Variants in TNS3 observed in about 807,000 individuals in gnomAD.
TNS3 encodes the protein tensin 3.
In TNS3, 45 loss-of-function variants were observed where a neutral mutation model predicts 140.9. That is an observed-to-expected ratio of 0.32 (90% CI 0.25 to 0.41). TNS3 has a LOEUF of 0.41. Ranked by LOEUF, TNS3 falls within the 10% of genes least tolerant of loss-of-function variation. TNS3 has a pLI of 1.00. For synonymous variants in TNS3, 815 were observed against 788.4 expected (o/e 1.03, Z -0.56); for missense variants, 1,716 against 1,906.7 (o/e 0.90, Z 1.86).
chr7:47,552,950 G>A (rs1383115972), intron 1 of TNS3, among the ~76,000 whole-genome samples: 2 of 152,210 alleles, frequency 1.3e-5, no homozygotes, highest in African/African-American at 4.8e-5. Flanking sequence ...CCAATGATAA[G>A]AAAGCAAAAC....
chr7:47,371,167 C>T (rs1791052851), intron 16 of TNS3, among the ~76,000 whole-genome samples: 1 of 152,084 alleles, frequency 6.6e-6, no homozygotes, highest in Non-Finnish European at 1.5e-5. Flanking sequence ...AGAAATGCTA[C>T]ATAAAATGCT....
chr7:47,496,768 A>G (rs542110245), intron 3 of TNS3, among the ~76,000 whole-genome samples: 4 of 152,356 alleles, frequency 2.6e-5, no homozygotes, highest in Admixed American at 2.6e-4. Context: ...CCAAGCAGGC[A>G]GGGACACCTG....
chr7:47,338,093 ATTTG>A (rs71818316), intron 20 of TNS3, among the ~76,000 whole-genome samples: 65,409 of 151,742 alleles, frequency 0.43, 15,720 homozygotes, highest in Middle Eastern at 0.56. Flanking sequence ...AGGTACTACA[ATTTG>A]TTTAACCACT....
chr7:47,297,268 G>A (rs1177657536), intron 23 of TNS3, 55 bp from the exon 24 acceptor site: 4 of 1,559,662 alleles, frequency 2.6e-6, no homozygotes, highest in African/African-American at 1.4e-5. Flanking sequence ...AAAGGTCTAT[G>A]CCCACTCATA....
chr7:47,325,067 G>A (rs1216894734), intron 20 of TNS3, among the ~76,000 whole-genome samples: 2 of 152,002 alleles, frequency 1.3e-5, no homozygotes, highest in Admixed American at 1.3e-4. Context: ...TTGGAAGCAT[G>A]ATGGACCGTG....
chr7:47,422,822 G>GT (rs1402439062), intron 10 of TNS3, among the ~76,000 whole-genome samples: 8 of 151,550 alleles, frequency 5.3e-5, no homozygotes, highest in African/African-American at 1.7e-4. Context: ...TCATATGAAT[G>GT]TCACGATTTT....
intron 3 of TNS3, among the ~76,000 whole-genome samples, chr7:47,493,109 G>C (rs948964477): frequency 3.9e-5 from 6 of 152,340 alleles, no homozygotes; most frequent in Non-Finnish European, 8.8e-5. Flanking sequence ...CCCTAGGGAG[G>C]GGATGCCCAG....
In TNS3 at chr7:47,292,985, G is replaced by A. The variant is rs1381470978; in HGVS notation, c.3773-80C>T. 34 of 1,259,694 alleles carry A rather than the reference G, an allele frequency of 2.7e-5. No homozygotes were observed. In the Admixed American group the frequency reaches 4.7e-4, roughly 17 times the overall value. The allele number at this position is 1,259,694 out of a possible 1,614,324, so 78.0% of individuals were successfully genotyped here. On this transcript the variant is annotated intron_variant, in intron 25 of 30. Coordinates refer to ENST00000311160, the MANE Select transcript of TNS3 (RefSeq NM_022748.12). Reference sequence around the variant, plus strand: ...GCTCAGCCAATTTATCAGCTGGAATGAAACGGATGCAAAGGCTGAGCCCTT... The same window carrying A: ...GCTCAGCCAATTTATCAGCTGGAATAAAACGGATGCAAAGGCTGAGCCCTT...
chr7:47,367,347 G>A (rs1434083876), intron 17 of TNS3, among the ~76,000 whole-genome samples: 1 of 152,130 alleles, frequency 6.6e-6, no homozygotes, highest in Non-Finnish European at 1.5e-5. Context: ...CAGCTCTCTG[G>A]TCCCCTCAGC....
intron 7 of TNS3, 50 bp downstream of exon 7, chr7:47,437,213 C>T (rs990042449): frequency 8.5e-6 from 11 of 1,290,636 alleles, no homozygotes; most frequent in Middle Eastern, 3.8e-4. Context: ...ACAAAATAAG[C>T]ATTGTTTACA....
At chr7:47,425,477 G>A (rs539111256) in intron 9 of TNS3, among the ~76,000 whole-genome samples, 1 of 152,264 alleles carries the variant, frequency 6.6e-6, no homozygotes, top group East Asian at 1.9e-4. Context: ...ATACTCAAAA[G>A]TAAGTTGAGT....
At chr7:47,305,824 C>T (rs956543802) in intron 20 of TNS3, among the ~76,000 whole-genome samples, 1 of 152,124 alleles carries the variant, frequency 6.6e-6, no homozygotes, top group Non-Finnish European at 1.5e-5. Context: ...GACAAATCTA[C>T]CATGGTCAGT....
intron 16 of TNS3, among the ~76,000 whole-genome samples, chr7:47,389,809 A>G (rs6956779): frequency 0.9 from 136,761 of 152,268 alleles, 62,699 homozygotes; most frequent in Non-Finnish European, 0.99. Context: ...TTGTGGGTTG[A>G]AGGCTTGCTG....
At chr7:47,302,861 G>A in intron 22 of TNS3, 89 bp downstream of exon 22, 2 of 1,495,110 alleles carry the variant, frequency 1.3e-6, no homozygotes, top group Non-Finnish European at 9.0e-7. Context: ...CAGCACTAGA[G>A]ATATGCCAGC....
intron 4 of TNS3, among the ~76,000 whole-genome samples, chr7:47,474,194 ACAG>A (rs1005017411): frequency 2.3e-4 from 34 of 150,602 alleles, no homozygotes; most frequent in African/African-American, 8.3e-4. Flanking sequence ...AACACACAAA[ACAG>A]CACACAAAAA....
chr7:47,535,426 T>C (rs1411268014), intron 1 of TNS3, among the ~76,000 whole-genome samples: 1 of 152,220 alleles, frequency 6.6e-6, no homozygotes, highest in Non-Finnish European at 1.5e-5. Context: ...TAGGATAGTG[T>C]AATAACATCT....
chr7:47,525,190 G>C (rs1032042513), intron 2 of TNS3, among the ~76,000 whole-genome samples: 1 of 152,198 alleles, frequency 6.6e-6, no homozygotes, highest in Admixed American at 6.5e-5. Flanking sequence ...CCAGGCCAAA[G>C]TGGGCCTTGA....
chr7:47,330,971 C>T (rs116351079), intron 20 of TNS3, among the ~76,000 whole-genome samples: 65 of 152,300 alleles, frequency 4.3e-4, no homozygotes, highest in African/African-American at 1.5e-3. Flanking sequence ...CTCGGGCGAA[C>T]CTTATGTGTG....
chr7:47,471,934 T>A (rs552988250), intron 4 of TNS3, among the ~76,000 whole-genome samples: 1 of 152,258 alleles, frequency 6.6e-6, no homozygotes, highest in Non-Finnish European at 1.5e-5. Flanking sequence ...AGTGGTTGGC[T>A]TCAAACAAGG....
Sources: gnomAD v4.1 joint callset for allele counts (sites outside exome capture counted in the v4.1 genomes callset) on GRCh38, gnomAD v4.1.1 for gene constraint, MANE v1.5 for transcripts, NCBI Gene and HGNC (gene_info 2026-07-23, HGNC 2026-07-21) for gene names.